DOCK9: variants seen among roughly 807,000 people sequenced by gnomAD.
The protein encoded by DOCK9 is dedicator of cytokinesis protein 9.
DOCK9 carries 89 observed loss-of-function variants against 263.3 expected under a neutral mutation model. The ratio of observed to expected loss-of-function variants is 0.34; its 90% CI spans 0.28 to 0.40. The LOEUF is 0.40. Among genes scored for constraint, DOCK9 ranks in the 10% least tolerant of loss-of-function variants. The pLI is 1.00. For synonymous variants in DOCK9, 976 were observed against 973.1 expected (o/e 1.00, Z -0.06); for missense variants, 2,140 against 2,603.4 (o/e 0.82, Z 3.87).
chr13:98,851,750 CCA>C (rs2093579218), intron 35 of DOCK9, among the ~76,000 whole-genome samples: 1 of 152,138 alleles, frequency 6.6e-6, no homozygotes, highest in African/African-American at 2.4e-5. Flanking sequence ...TCCCCCTAAC[CCA>C]TATGACACAC....
intron 1 of DOCK9, among the ~76,000 whole-genome samples, chr13:99,038,296 T>C (rs868039038): frequency 0.19 from 21,011 of 108,942 alleles, 2,639 homozygotes; most frequent in South Asian, 0.3. Context: ...CCCTTTTTTT[T>C]TTTTTTTTTT....
chr13:99,073,603 G>A (rs1180505802), intron 1 of DOCK9, among the ~76,000 whole-genome samples: 1 of 152,130 alleles, frequency 6.6e-6, no homozygotes, highest in Non-Finnish European at 1.5e-5. Flanking sequence ...TTTAAGGCTA[G>A]GGGGTTGGCA....
At chr13:98,997,783 T>A (rs1307694232) in intron 1 of DOCK9, among the ~76,000 whole-genome samples, 1 of 152,240 alleles carries the variant, frequency 6.6e-6, no homozygotes, top group Non-Finnish European at 1.5e-5. Flanking sequence ...ATCTTTGTTA[T>A]ACAATAGAAA....
At chr13:98,814,300 G>C (rs905685188) in intron 45 of DOCK9, among the ~76,000 whole-genome samples, 30 of 151,956 alleles carry the variant, frequency 2.0e-4, no homozygotes, top group African/African-American at 7.3e-4. Context: ...AAACACTAAA[G>C]CCAGATACAT....
chr13:98,959,094 T>G (rs1341781765), intron 1 of DOCK9, among the ~76,000 whole-genome samples: 1 of 152,218 alleles, frequency 6.6e-6, no homozygotes, highest in African/African-American at 2.4e-5. Context: ...GATCTCAAGT[T>G]AAGCTAATTG....
At chr13:98,806,333 A>G (rs1594172821) in intron 48 of DOCK9, among the ~76,000 whole-genome samples, 1 of 152,272 alleles carries the variant, frequency 6.6e-6, no homozygotes, top group East Asian at 1.9e-4. Flanking sequence ...GTGACATGAT[A>G]GAGAATTAAA....
At chr13:98,916,881 A>C (rs1053991042) in intron 7 of DOCK9, among the ~76,000 whole-genome samples, 3 of 152,210 alleles carry the variant, frequency 2.0e-5, no homozygotes, top group African/African-American at 7.2e-5. Context: ...AAATGCTTCA[A>C]AATTTTTTAG....
chr13:98,903,913 G>C (rs2048707100), intron 10 of DOCK9, among the ~76,000 whole-genome samples: 1 of 152,184 alleles, frequency 6.6e-6, no homozygotes, highest in African/African-American at 2.4e-5. Flanking sequence ...CCACATTTAT[G>C]AGGTTCCTAA....
intron 14 of DOCK9, 126 bp from the exon 15 acceptor site, chr13:98,897,736 T>C (rs2047648156): frequency 7.5e-7 from 1 of 1,332,700 alleles, no homozygotes; most frequent in Non-Finnish European, 1.0e-6. Context: ...AGAAATCTCA[T>C]TATCTAAAAA....
rs551079971 is a variant in DOCK9, at chr13:98,835,764, G to C, written c.4314+1730C>G. 1.5e-3 allele frequency among the ~76,000 whole-genome samples: 160 copies of C among 110,252 alleles called. 6 individuals are homozygous for C. In the South Asian group the frequency reaches 0.045, roughly 31 times the overall value. The allele number at this position is 110,252 out of a possible 152,430, so 72.3% of individuals were successfully genotyped here. A position where few individuals can be genotyped will look rare whatever the true frequency, so the allele number is the denominator to read the frequency against. Reference sequence around the variant, plus strand: ...TTTTTTTTTTTTTTTTTTTTTAGACGAAGTCTTGCTCTGTTGCCAGGCTGG... The same window carrying C: ...TTTTTTTTTTTTTTTTTTTTTAGACCAAGTCTTGCTCTGTTGCCAGGCTGG... On this transcript the variant is annotated intron_variant, in intron 39 of 52. Coordinates refer to ENST00000682017, the MANE Select transcript of DOCK9 (RefSeq NM_001366683.2).
At chr13:99,065,505 T>C (rs1372382729) in intron 1 of DOCK9, among the ~76,000 whole-genome samples, 13 of 152,174 alleles carry the variant, frequency 8.5e-5, no homozygotes, top group Admixed American at 8.5e-4. Context: ...ACTCCCTGGG[T>C]GACCAGAATC....
chr13:99,086,426 T>C (rs1236379858), exon 1 of DOCK9: 10 of 875,448 alleles, frequency 1.1e-5, no homozygotes, highest in Non-Finnish European at 1.2e-5. Flanking sequence ...AGGTGCGCCC[T>C]CGGCGCCCGG....
intron 1 of DOCK9, among the ~76,000 whole-genome samples, chr13:99,020,280 A>C (rs1885932448): frequency 6.6e-6 from 1 of 152,160 alleles, no homozygotes; most frequent in Non-Finnish European, 1.5e-5. Context: ...CTAAAACAGC[A>C]CCTTGCTTGA....
chr13:98,922,198 GC>G (rs1203962954), intron 5 of DOCK9, 52 bp from the exon 6 acceptor site: 1 of 1,423,364 alleles, frequency 7.0e-7, no homozygotes, highest in African/African-American at 1.4e-5. Context: ...TACCTGGGTT[GC>G]TTGCTGTGAG....
rs11392986 is a variant in DOCK9 at position 99,051,855 on chromosome 13, CAA to C, written c.129+34366_129+34367del. Reference sequence around the variant, plus strand: ...GCTAAAGAACATGTTCCACTAGTGGCAAAAAAAAAAAAAAAAAAAAAATCAGA... The same window carrying C: ...GCTAAAGAACATGTTCCACTAGTGGCAAAAAAAAAAAAAAAAAAAATCAGA... On this transcript the variant is annotated intron_variant, in intron 1 of 32. Transcript: ENST00000427887. Among the ~76,000 whole-genome samples the C allele has an allele frequency of 5.4e-3, 571 of 106,030 alleles. 8 individuals carry two copies. The highest frequency in any genetic ancestry group is 0.019 in the African/African-American group (523 of 27,996). 69.6% of individuals were successfully genotyped at this position (106,030 alleles called of 152,430 possible).
At chr13:98,807,064 G>C (rs2090806744) in intron 48 of DOCK9, among the ~76,000 whole-genome samples, 1 of 152,188 alleles carries the variant, frequency 6.6e-6, no homozygotes, top group Admixed American at 6.5e-5. Context: ...TCACCTTCAG[G>C]AAGCAGAGGG....
intron 9 of DOCK9, among the ~76,000 whole-genome samples, chr13:98,906,771 C>T (rs112154550): frequency 1.3e-5 from 2 of 152,152 alleles, no homozygotes; most frequent in Non-Finnish European, 2.9e-5. Flanking sequence ...CCATGATCAG[C>T]TGTCTATGTT....
chr13:98,839,858 C>T (rs1463102774), intron 38 of DOCK9, among the ~76,000 whole-genome samples: 1 of 152,216 alleles, frequency 6.6e-6, no homozygotes, highest in Admixed American at 6.5e-5. Context: ...AATGTTATTA[C>T]ACCATCTACT....
At chr13:98,805,741 CATTT>C (rs1267113369) in intron 48 of DOCK9, among the ~76,000 whole-genome samples, 1 of 152,108 alleles carries the variant, frequency 6.6e-6, no homozygotes, top group African/African-American at 2.4e-5. Flanking sequence ...CCCTATCATT[CATTT>C]TTCCCATAAC....
Sources: gnomAD v4.1 joint callset for allele counts (sites outside exome capture counted in the v4.1 genomes callset) on GRCh38, gnomAD v4.1.1 for gene constraint, MANE v1.5 for transcripts, NCBI Gene and HGNC (gene_info 2026-07-23, HGNC 2026-07-21) for gene names.